The following NKAIN2 variants were observed in gnomAD, a reference collection of about 807,000 sequenced individuals.
NKAIN2 encodes the protein sodium/potassium transporting ATPase interacting 2, also known as sodium/potassium-transporting ATPase subunit beta-1-interacting protein 2.
NKAIN2 carries 14 observed loss-of-function variants against 32.6 expected under a neutral mutation model. That is an observed-to-expected ratio of 0.43 (90% confidence interval 0.28 to 0.67). NKAIN2 has a LOEUF of 0.67. NKAIN2 is among the 30% of genes least tolerant of loss of function. NKAIN2 has a pLI of 0.17. For missense variants in NKAIN2, 198 were observed against 258.3 expected (o/e 0.77, Z 1.60); for synonymous variants, 80 against 87.2 (o/e 0.92, Z 0.46).
chr6:124,088,233 C>T (rs957278750), intron 1 of NKAIN2, among the ~76,000 whole-genome samples: 2 of 151,776 alleles, frequency 1.3e-5, no homozygotes, highest in African/African-American at 4.8e-5. Flanking sequence ...GCCTGGGTAA[C>T]ACAGTAAGAT....
intron 1 of NKAIN2, among the ~76,000 whole-genome samples, chr6:124,128,072 G>A (rs572072720): frequency 2.0e-5 from 3 of 152,118 alleles, no homozygotes; most frequent in South Asian, 2.1e-4. Flanking sequence ...CAGGTGATCC[G>A]CCCACCTTGG....
chr6:124,315,054 T>G (rs971541501), intron 2 of NKAIN2, among the ~76,000 whole-genome samples: 2 of 152,180 alleles, frequency 1.3e-5, no homozygotes, highest in Non-Finnish European at 2.9e-5. Flanking sequence ...GATTGATTTT[T>G]GGCCAGAAGT....
rs1797013402 is a variant in NKAIN2, at chr6:124,317,568, C to T, written c.192+34426C>T. Among the ~76,000 whole-genome samples the T allele has an allele frequency of 2.0e-5, 3 of 151,982 alleles. No homozygotes were observed. In the South Asian group the frequency reaches 6.2e-4, roughly 31 times the overall value. ...GTCTATATCACAATCATTGGCACTC[C>T]TGTGAACTTTACTAGGGTGATTGAG... is the stretch of plus-strand genomic sequence containing the variant. On this transcript the variant is annotated intron_variant, in intron 2 of 6. Coordinates refer to ENST00000368417, the MANE Select transcript of NKAIN2 (RefSeq NM_001040214.3).
rs139629806 is a variant in NKAIN2 at position 124,236,933 on chromosome 6, A to G, written c.55-46072A>G. Among the ~76,000 whole-genome samples the G allele has an allele frequency of 1.4e-4, 22 of 152,290 alleles. No homozygotes were observed. In the East Asian group the frequency reaches 3.5e-3, roughly 24 times the overall value. On this transcript the variant is annotated intron_variant, in intron 1 of 6. Coordinates refer to ENST00000368417, the MANE Select transcript of NKAIN2 (RefSeq NM_001040214.3). ...GGAGAAAGACAGGTTGTGGCACTGA[A>G]AATGCAATGTAAAAAAAGGAACATA...
chr6:123,811,827 T>C (rs570271047), intron 1 of NKAIN2, among the ~76,000 whole-genome samples: 7 of 152,212 alleles, frequency 4.6e-5, no homozygotes, highest in African/African-American at 1.7e-4. Context: ...CACCCATAAA[T>C]TTTGTGAGGC....
chr6:124,270,428 T>C (rs1794704824), intron 1 of NKAIN2, among the ~76,000 whole-genome samples: 1 of 151,938 alleles, frequency 6.6e-6, no homozygotes, highest in African/African-American at 2.4e-5. Flanking sequence ...AAAAAAAAAA[T>C]CTGTATTTTT....
rs1027279016 is a variant in NKAIN2, at chr6:124,588,392, A to T, written c.274-69794A>T. On this transcript the variant is annotated intron_variant, in intron 3 of 6. Transcript: ENST00000368417. ...CCATGCACAACTAGAACCTGAAAAA[A>T]TTGACTGTAATAATTTTAAAATTTG... 2.2e-4 allele frequency among the ~76,000 whole-genome samples: 33 copies of T among 152,176 alleles called. 1 individual carries two copies. Among genetic ancestry groups the T allele is most frequent in the Non-Finnish European group, 4.0e-4 (27 of 68,030 alleles).
chr6:123,962,197 A>G (rs1414278222), intron 1 of NKAIN2, among the ~76,000 whole-genome samples: 3 of 152,160 alleles, frequency 2.0e-5, no homozygotes, highest in Non-Finnish European at 4.4e-5. Context: ...TTCAAATCCT[A>G]TTTACTCTGG....
chr6:124,745,782 G>C (rs1777424561), intron 4 of NKAIN2, among the ~76,000 whole-genome samples: 1 of 151,816 alleles, frequency 6.6e-6, no homozygotes, highest in Admixed American at 6.6e-5. Context: ...CATATCCTTA[G>C]TGTGCAAATC....
At chr6:124,458,536 C>T (rs1202672202) in intron 3 of NKAIN2, among the ~76,000 whole-genome samples, 1 of 151,728 alleles carries the variant, frequency 6.6e-6, no homozygotes, top group Non-Finnish European at 1.5e-5. Context: ...GGATTCATAT[C>T]TATACCATAC....
At chr6:123,951,891 T>C (rs1474492923) in intron 1 of NKAIN2, among the ~76,000 whole-genome samples, 1 of 151,970 alleles carries the variant, frequency 6.6e-6, no homozygotes, top group Non-Finnish European at 1.5e-5. Context: ...CTTTCTTTCT[T>C]TTTTTCCTTC....
intron 1 of NKAIN2, among the ~76,000 whole-genome samples, chr6:124,026,450 C>G (rs2114773487): frequency 6.6e-6 from 1 of 152,274 alleles, no homozygotes; most frequent in African/African-American, 2.4e-5. Context: ...ATGCTCCTTT[C>G]CTTTTATCAT....
rs1418122454 is a variant in NKAIN2, at chr6:124,411,064, C to G, written c.273+55717C>G. 1.8e-4 allele frequency among the ~76,000 whole-genome samples: 27 copies of G among 149,314 alleles called. No individual in the cohort carries two copies. In the Admixed American group the frequency reaches 1.8e-3, roughly 10 times the overall value. ...TCTTCCTCCATCCCTTTATTTTGAG[C>G]CTATGTGTGTCTCTGCACGTGAGAT... On this transcript the variant is annotated intron_variant, in intron 3 of 6. Transcript: ENST00000368417.
intron 3 of NKAIN2, among the ~76,000 whole-genome samples, chr6:124,652,354 T>C (rs1250731015): frequency 6.6e-6 from 1 of 152,246 alleles, no homozygotes; most frequent in African/African-American, 2.4e-5. Flanking sequence ...ACTTTCCCTG[T>C]AGCTCTCCTT....
intron 3 of NKAIN2, among the ~76,000 whole-genome samples, chr6:124,468,994 C>G (rs559583483): frequency 5.9e-5 from 9 of 152,172 alleles, no homozygotes; most frequent in Admixed American, 2.6e-4. Flanking sequence ...CAACATTGCT[C>G]TAATCTACTT....
chr6:124,050,660 C>T (rs979682781), intron 1 of NKAIN2, among the ~76,000 whole-genome samples: 7 of 151,810 alleles, frequency 4.6e-5, no homozygotes, highest in Non-Finnish European at 5.9e-5. Flanking sequence ...TGCACTTGCC[C>T]GCAGCACAAA....
intron 3 of NKAIN2, among the ~76,000 whole-genome samples, chr6:124,477,746 C>T (rs1473292356): frequency 1.5e-4 from 9 of 60,038 alleles, no homozygotes; most frequent in Non-Finnish European, 2.9e-4. Context: ...CTCCTTCCCC[C>T]TTCCCCTTTT....
intron 4 of NKAIN2, among the ~76,000 whole-genome samples, chr6:124,715,177 GT>G (rs1256291746): frequency 2.0e-5 from 3 of 152,112 alleles, no homozygotes; most frequent in Non-Finnish European, 4.4e-5. Context: ...GATCACACTG[GT>G]TATCCTCCCT....
chr6:124,041,130 A>G (rs1243128318), intron 1 of NKAIN2, among the ~76,000 whole-genome samples: 1 of 152,048 alleles, frequency 6.6e-6, no homozygotes, highest in African/African-American at 2.4e-5. Flanking sequence ...ATTGAGCCAT[A>G]ATTGTTATGA....
Sources: allele counts gnomAD v4.1 joint callset (sites outside exome capture counted in the v4.1 genomes callset), GRCh38; gene constraint gnomAD v4.1.1; transcripts MANE v1.5; gene names NCBI Gene and HGNC (gene_info 2026-07-23, HGNC 2026-07-21).